Variants in ORC3 observed in about 807,000 individuals in gnomAD.
ORC3 encodes the protein origin recognition complex subunit 3, also known as homolog of latheo, Drosophila.
In ORC3, 78 loss-of-function variants were observed where a neutral mutation model predicts 100.7. That is an observed-to-expected ratio of 0.77 (90% CI 0.65 to 0.94). ORC3 has a LOEUF of 0.94. ORC3 is among the 40% of genes least tolerant of loss of function. The probability of loss-of-function intolerance (pLI) is 0.00; values close to 1 mark genes in which losing one functional copy is unlikely to be tolerated. For synonymous variants in ORC3, 295 were observed against 289.3 expected, an observed-to-expected ratio of 1.02 and a Z score of -0.20; for missense variants, 789 against 823.9, an observed-to-expected ratio of 0.96 and a Z score of 0.52.
At chr6:87,675,782 TA>T in the ORC3 span, 1 of 1,491,812 alleles carries the variant, frequency 6.7e-7, no homozygotes, top group Non-Finnish European at 9.3e-7. Flanking sequence ...TCTTTTTGAG[TA>T]TGAAAATAAT....
intron 11 of ORC3, among the ~76,000 whole-genome samples, chr6:87,630,195 C>T (rs1018512778): frequency 2.0e-5 from 3 of 151,978 alleles, no homozygotes; most frequent in Admixed American, 6.6e-5. Context: ...TTTGGGAGGC[C>T]GAGGCAAGCA....
chr6:87,657,404 A>G (rs1769800909), intron 15 of ORC3, among the ~76,000 whole-genome samples: 1 of 152,230 alleles, frequency 6.6e-6, no homozygotes, highest in African/African-American at 2.4e-5. Flanking sequence ...TAGAGCAGAA[A>G]TTGAGCCACA....
chr6:87,613,342 T>TC (rs1778918263), intron 8 of ORC3, among the ~76,000 whole-genome samples: 1 of 152,112 alleles, frequency 6.6e-6, no homozygotes, highest in Non-Finnish European at 1.5e-5. Context: ...AAAGACTTGC[T>TC]CCCATGATTC....
intron 14 of ORC3, among the ~76,000 whole-genome samples, chr6:87,654,874 A>G (rs1769549219): frequency 6.6e-6 from 1 of 152,192 alleles, no homozygotes; most frequent in South Asian, 2.1e-4. Flanking sequence ...CTAGTAAACA[A>G]ATTCTGTGAT....
chr6:87,636,549 C>T, intron 13 of ORC3, 63 bp downstream of exon 13: 1 of 999,238 alleles, frequency 1.0e-6, no homozygotes, highest in South Asian at 1.3e-5. Context: ...TAAGTAGCAC[C>T]TTCCTCTAGA....
intron 2 of ORC3, 90 bp from the exon 3 acceptor site, chr6:87,601,694 C>G: frequency 1.4e-6 from 1 of 740,542 alleles, no homozygotes; most frequent in Non-Finnish European, 2.3e-6. Context: ...AATTTCACTT[C>G]TGTCACTTAC....
chr6:87,672,897 G>A, the ORC3 span, among the ~76,000 whole-genome samples: 1 of 152,070 alleles, frequency 6.6e-6, no homozygotes, highest in East Asian at 1.9e-4. Context: ...TCATAGTACA[G>A]TACTGTATCA....
At chr6:87,657,879 T>C (rs1205278423) in intron 15 of ORC3, 42 bp from the exon 16 acceptor site, 2 of 1,109,262 alleles carry the variant, frequency 1.8e-6, no homozygotes, top group Non-Finnish European at 2.8e-6. Flanking sequence ...AGGGGTTTTC[T>C]GTCTGAGGAT....
rs1403506627 is a variant in ORC3, at chr6:87,665,815, AAATG to A, written c.2019_2022del (p.Asn673LysfsTer14). 5.6e-6 allele frequency: 9 copies of A among 1,605,870 alleles called. No homozygotes were observed. The highest frequency in any genetic ancestry group is 7.7e-6 in the Non-Finnish European group (9 of 1,172,956). ...GATGCAAATTCTGCAACCTCAGAAGAAATGAATGAAATTATCCAGTATCCTTTTA... is the reference window on the plus strand; with the variant it reads ...GATGCAAATTCTGCAACCTCAGAAGAAATGAAATTATCCAGTATCCTTTTA... On this transcript the variant is annotated frameshift_variant, in exon 19 of 20. Coordinates refer to ENST00000392844, the MANE Select transcript of ORC3 (RefSeq NM_012381.4). LOFTEE classifies it high-confidence loss of function.
chr6:87,621,556 C>T (rs1191886560), intron 10 of ORC3, 69 bp downstream of exon 10: 2 of 1,022,918 alleles, frequency 2.0e-6, no homozygotes, highest in Non-Finnish European at 1.4e-6. Context: ...GATCTCAGAT[C>T]CAGTTATTTC....
intron 7 of ORC3, among the ~76,000 whole-genome samples, chr6:87,611,046 C>T (rs560405396): frequency 4.0e-5 from 6 of 150,236 alleles, no homozygotes; most frequent in Non-Finnish European, 7.4e-5. Context: ...AAGCAGTCCT[C>T]CCTTCTCAGG....
At position 87,636,426 on chromosome 6, in the gene ORC3, C is replaced by A. The variant is rs1247331275; in HGVS notation, c.1322C>A (p.Thr441Lys). The change falls in exon 13 of 20, where the codon ACA (threonine) becomes AAA (lysine). Residue 441 changes from threonine to lysine, a missense_variant. Physicochemically the swap from Thr to Lys is moderately conservative, Grantham distance 78 (BLOSUM62 -1). Around this residue, in one of 3 missense-constraint regions of ORC3, gnomAD observed 366 missense variants for 394.2 expected, o/e 0.93. Coordinates refer to ENST00000392844, the MANE Select transcript of ORC3 (RefSeq NM_012381.4). The stretch of plus-strand genomic sequence containing the variant: ...TTACAGATCAGAGAGTTGTACTGTA[C>A]ATGTTTAGAAAAGAACATATGGGAT... ...LGRQIRELYC[T>K]CLEKNIWDSE... The A allele has an allele frequency of 6.2e-7, 1 of 1,607,376 alleles. No individual in the cohort carries two copies. Among genetic ancestry groups the A allele is most frequent in the Admixed American group, 1.7e-5 (1 of 59,998 alleles).
At chr6:87,619,916 A>T (rs1235330540) in intron 9 of ORC3, among the ~76,000 whole-genome samples, 1 of 152,132 alleles carries the variant, frequency 6.6e-6, no homozygotes, top group Non-Finnish European at 1.5e-5. Context: ...GGCTGGTCTC[A>T]AACTCCTGAG....
chr6:87,614,197 G>A (rs1402915851), intron 8 of ORC3, among the ~76,000 whole-genome samples: 1 of 152,214 alleles, frequency 6.6e-6, no homozygotes, highest in Non-Finnish European at 1.5e-5. Flanking sequence ...CGATGTGGAA[G>A]CTGCCAGGGC....
intron 13 of ORC3, 71 bp from the exon 14 acceptor site, chr6:87,653,045 A>C: frequency 2.5e-6 from 3 of 1,200,030 alleles, no homozygotes; most frequent in Admixed American, 2.2e-5. Context: ...TAATATGTAT[A>C]TTAAATAAAA....
chr6:87,644,539 A>C (rs1376584709), intron 13 of ORC3, among the ~76,000 whole-genome samples: 1 of 152,070 alleles, frequency 6.6e-6, no homozygotes, highest in Non-Finnish European at 1.5e-5. Context: ...TGTCTGTACT[A>C]AAAATACAAA....
the ORC3 span, among the ~76,000 whole-genome samples, chr6:87,676,594 A>AC: frequency 1.5e-5 from 1 of 66,004 alleles, no homozygotes; most frequent in African/African-American, 8.3e-5. Flanking sequence ...GTCTCTACTA[A>AC]AAACACACAC....
intron 8 of ORC3, 110 bp downstream of exon 8, chr6:87,612,358 T>C (rs1778838679): frequency 5.4e-6 from 3 of 558,644 alleles, no homozygotes; most frequent in South Asian, 8.1e-5. Context: ...GAGTACTATA[T>C]TGAACATATT....
chr6:87,600,617 A>G (rs1405923384), intron 2 of ORC3, among the ~76,000 whole-genome samples: 1 of 152,182 alleles, frequency 6.6e-6, no homozygotes, highest in African/African-American at 2.4e-5. Flanking sequence ...CTGGTAGGAG[A>G]ATAGGGTTGG....
Sources: allele counts gnomAD v4.1 joint callset (sites outside exome capture counted in the v4.1 genomes callset), GRCh38; gene constraint gnomAD v4.1.1; regional missense constraint gnomAD v4.1.1; transcripts MANE v1.5; gene names NCBI Gene and HGNC (gene_info 2026-07-23, HGNC 2026-07-21).